The following TADA2A variants were observed in gnomAD, a reference collection of about 807,000 sequenced individuals.
The protein encoded by TADA2A is transcriptional adapter 2-alpha.
A neutral mutation model predicts 67.4 loss-of-function variants in TADA2A; 38 were observed. The ratio of observed to expected loss-of-function variants is 0.56; its 90% CI spans 0.44 to 0.74. The LOEUF is 0.74. Ranked by LOEUF, TADA2A falls within the 30% of genes least tolerant of loss-of-function variation. TADA2A has a pLI of 0.00. For synonymous variants in TADA2A, 192 were observed against 181.6 expected (o/e 1.06, Z -0.46); for missense variants, 454 against 547.0 (o/e 0.83, Z 1.70).
Position 37,449,803 on chromosome 17 carries a change from G to A in TADA2A, c.604+5035G>A, listed in dbSNP as rs190755982. Among the ~76,000 whole-genome samples the A allele has an allele frequency of 1.7e-3, 253 of 152,040 alleles. 1 individual carries two copies. Among genetic ancestry groups the A allele is most frequent in the African/African-American group, 5.9e-3 (244 of 41,456 alleles). ...CCTGGCTAATTTTTAAAATTTTTTTGTAGAGACAGGGTCTCACTATGTTGC... is the reference window on the plus strand; with the variant it reads ...CCTGGCTAATTTTTAAAATTTTTTTATAGAGACAGGGTCTCACTATGTTGC... On this transcript the variant is annotated intron_variant, in intron 8 of 15. Coordinates refer to ENST00000615182, the MANE Select transcript of TADA2A (RefSeq NM_001166105.3).
chr17:37,429,752 A>C (rs1043596026), intron 4 of TADA2A, among the ~76,000 whole-genome samples: 1 of 152,206 alleles, frequency 6.6e-6, no homozygotes, highest in Admixed American at 6.6e-5. Flanking sequence ...GGCCACAATG[A>C]ATTAATCAAA....
rs189449308 is a variant in TADA2A, at chr17:37,466,250, A to G, written c.823+709A>G. Among the ~76,000 whole-genome samples, 627 of 152,244 alleles carry G rather than the reference A, an allele frequency of 4.1e-3. 2 individuals are homozygous for G. Among genetic ancestry groups the G allele is most frequent in the African/African-American group, 0.014 (590 of 41,558 alleles). ...AATCTGGGCAACATAGTAAAACTCC[A>G]TCTCTACAAAAATACAAAAGTTAGC... On this transcript the variant is annotated intron_variant, in intron 11 of 15. Coordinates refer to ENST00000615182, the MANE Select transcript of TADA2A (RefSeq NM_001166105.3).
intron 6 of TADA2A, among the ~76,000 whole-genome samples, chr17:37,441,907 C>T (rs2147973257): frequency 6.6e-6 from 1 of 152,266 alleles, no homozygotes; most frequent in East Asian, 1.9e-4. Context: ...ACCTTATGAT[C>T]TGCCCGCCTC....
At position 37,437,982 on chromosome 17, in the gene TADA2A, T is replaced by G. The variant is rs547154439; in HGVS notation, c.284+153T>G. Reference sequence around the variant, plus strand: ...AGGCAAGTTAGTCCCCTCTGTACATTATTTTTCCAGTGTCGAAATGTGTCA... The same window carrying G: ...AGGCAAGTTAGTCCCCTCTGTACATGATTTTTCCAGTGTCGAAATGTGTCA... On this transcript the variant is annotated intron_variant, in intron 5 of 15. Coordinates refer to ENST00000615182, the MANE Select transcript of TADA2A (RefSeq NM_001166105.3). 13 of 681,490 alleles carry G rather than the reference T, an allele frequency of 1.9e-5. No individual in the cohort carries two copies. The African/African-American group carries it at 2.3e-4, about 12-fold the overall frequency. The allele number at this position is 681,490 out of a possible 1,614,324, so 42.2% of individuals were successfully genotyped here.
intron 4 of TADA2A, chr17:37,436,326 T>C (rs1396941692): frequency 6.6e-6 from 1 of 152,164 alleles, no homozygotes; most frequent in African/African-American, 2.4e-5. Flanking sequence ...GAGTTCGTTA[T>C]ATTTTGCATT....
At chr17:37,407,492 TC>T (rs2051622318) in intron 1 of TADA2A, 1 of 152,228 alleles carries the variant, frequency 6.6e-6, no homozygotes, top group Admixed American at 6.5e-5. Flanking sequence ...CACTTCCTTC[TC>T]CCGGTAACTG....
At chr17:37,425,849 G>GTC (rs967700626) in intron 3 of TADA2A, among the ~76,000 whole-genome samples, 8 of 149,376 alleles carry the variant, frequency 5.4e-5, no homozygotes, top group African/African-American at 2.0e-4. Flanking sequence ...TGGAGAAAGG[G>GTC]TCTCGCCTTG....
chr17:37,450,925 A>G (rs547022636), intron 8 of TADA2A, among the ~76,000 whole-genome samples: 2 of 152,060 alleles, frequency 1.3e-5, no homozygotes, highest in African/African-American at 4.8e-5. Context: ...ATTTGCTCCT[A>G]TGTGTTTCTT....
intron 2 of TADA2A, among the ~76,000 whole-genome samples, chr17:37,413,529 A>G (rs1000894882): frequency 6.6e-6 from 1 of 150,636 alleles, no homozygotes; most frequent in Non-Finnish European, 1.5e-5. Flanking sequence ...GTGTGTATAT[A>G]TATGTTTTTT....
chr17:37,467,132 G>A (rs2053681297), intron 11 of TADA2A, among the ~76,000 whole-genome samples: 1 of 152,042 alleles, frequency 6.6e-6, no homozygotes, highest in African/African-American at 2.4e-5. Flanking sequence ...CAGCCTGGGC[G>A]ACAGAGCGAG....
intron 8 of TADA2A, among the ~76,000 whole-genome samples, chr17:37,445,562 G>GC (rs748252084): frequency 4.7e-4 from 71 of 152,282 alleles, no homozygotes; most frequent in Middle Eastern, 6.8e-3. Flanking sequence ...CACCACGCCT[G>GC]CCCCAGCATT....
At chr17:37,425,198 GTTAAT>G (rs2052368887) in intron 3 of TADA2A, among the ~76,000 whole-genome samples, 1 of 152,204 alleles carries the variant, frequency 6.6e-6, no homozygotes, top group Non-Finnish European at 1.5e-5. Context: ...GTTTTTTTAA[GTTAAT>G]TTAAAGTATT....
chr17:37,465,784 T>C (rs2053652567), intron 11 of TADA2A: 2 of 596,780 alleles, frequency 3.4e-6, no homozygotes, highest in African/African-American at 3.7e-5. Flanking sequence ...CTCCCTACTT[T>C]GTATCATGGG....
intron 8 of TADA2A, among the ~76,000 whole-genome samples, chr17:37,455,200 A>C (rs1159461066): frequency 3.9e-5 from 6 of 152,076 alleles, no homozygotes; most frequent in Non-Finnish European, 4.4e-5. Context: ...AGGATCCATA[A>C]GTGAGAAGAA....
Position 37,423,624 on chromosome 17 carries a change from C to T in TADA2A, c.132+9C>T. 2 of 1,592,636 alleles carry T rather than the reference C, an allele frequency of 1.3e-6. No homozygotes were observed. Among genetic ancestry groups the T allele is most frequent in the Non-Finnish European group, 1.7e-6 (2 of 1,166,906 alleles). ...TTTTCCTCTGCTTGCAGGTAACTCA[C>T]TAATGCTGGCTTCTCCTAGCCTAGT... On this transcript the variant is annotated intron_variant, in intron 3 of 15. Coordinates refer to ENST00000615182, the MANE Select transcript of TADA2A (RefSeq NM_001166105.3).
At chr17:37,426,872 T>G in intron 3 of TADA2A, 78 bp from the exon 4 acceptor site, 1 of 1,399,088 alleles carries the variant, frequency 7.1e-7, no homozygotes, top group African/African-American at 1.5e-5. Flanking sequence ...AAACCCAAAC[T>G]TGTCAGAAGA....
At chr17:37,411,915 C>A (rs771187878) in intron 2 of TADA2A, among the ~76,000 whole-genome samples, 1 of 151,662 alleles carries the variant, frequency 6.6e-6, no homozygotes, top group Admixed American at 6.6e-5. Flanking sequence ...CTGGGTCTTA[C>A]AAGAAAATGA....
chr17:37,458,457 GGT>G, intron 8 of TADA2A, 65 bp from the exon 9 acceptor site: 18 of 1,085,978 alleles, frequency 1.7e-5, no homozygotes, highest in Non-Finnish European at 2.0e-5. Context: ...TTTTTGTCTT[GGT>G]TTTATTTATT....
chr17:37,466,344 C>CG (rs1160031898), intron 11 of TADA2A, among the ~76,000 whole-genome samples: 12 of 152,124 alleles, frequency 7.9e-5, no homozygotes, highest in Non-Finnish European at 1.8e-4. Context: ...TGCTTGAACC[C>CG]GGGTAGCCGA....
Sources: allele counts gnomAD v4.1 joint callset (sites outside exome capture counted in the v4.1 genomes callset), GRCh38; gene constraint gnomAD v4.1.1; transcripts MANE v1.5; gene names NCBI Gene and HGNC (gene_info 2026-07-23, HGNC 2026-07-21).